Variants in STPG2 observed in about 807,000 individuals in gnomAD.
The protein encoded by STPG2 is sperm-tail PG-rich repeat-containing protein 2.
Under a neutral mutation model 54.2 loss-of-function variants are expected in STPG2, and 56 were observed. The observed-to-expected ratio is 1.03, with a 90% CI of 0.83 to 1.29. The LOEUF (loss-of-function observed/expected upper bound fraction) is 1.29, where lower values mean the gene tolerates loss of function less well. STPG2 is among the 50% of genes most tolerant of loss of function. The pLI, the probability that STPG2 is intolerant of heterozygous loss-of-function variation, is 0.00. For missense variants in STPG2, 596 were observed against 544.9 expected (o/e 1.09, Z -0.93); for synonymous variants, 200 against 181.8 (o/e 1.10, Z -0.81).
chr4:97,754,716 C>T (rs931730868), intron 9 of STPG2, among the ~76,000 whole-genome samples: 2 of 152,062 alleles, frequency 1.3e-5, no homozygotes, highest in South Asian at 4.1e-4. Flanking sequence ...CCATAAATCA[C>T]CACTCTCAGC....
intron 10 of STPG2, among the ~76,000 whole-genome samples, chr4:97,622,761 A>G (rs1734044949): frequency 6.6e-6 from 1 of 152,166 alleles, no homozygotes; most frequent in African/African-American, 2.4e-5. Context: ...TTTTTTAAAA[A>G]AAACTATCTT....
Position 97,943,903 on chromosome 4 carries a change from T to A in STPG2, c.1038A>T (p.Pro346=), listed in dbSNP as rs982207790. ...ATTGTAGGAGTATTCTTACCATATC[T>A]GGTACTTTCATAGTTCTTTTGGCTC... ...LSRAKRTMKV[P]DMVIPAPGSY... The change falls in exon 8 of 11, where the codon CCA becomes CCT. Residue 346 remains proline, a synonymous_variant. Transcript: ENST00000295268. The A allele has an allele frequency of 6.4e-7, 1 of 1,568,374 alleles. No individual in the cohort carries two copies. Among genetic ancestry groups the A allele is most frequent in the African/African-American group, 1.4e-5 (1 of 71,982 alleles).
intron 8 of STPG2, among the ~76,000 whole-genome samples, chr4:97,911,686 T>A (rs1390148541): frequency 6.6e-6 from 1 of 152,064 alleles, no homozygotes; most frequent in Non-Finnish European, 1.5e-5. Flanking sequence ...AGAACTCTGA[T>A]CTCCCTGGGA....
intron 9 of STPG2, among the ~76,000 whole-genome samples, chr4:97,737,091 AG>A (rs767961659): frequency 2.6e-5 from 4 of 152,194 alleles, no homozygotes; most frequent in Non-Finnish European, 5.9e-5. Flanking sequence ...GCTGGAACCC[AG>A]GCAACCAGGG....
rs1176311937 is a variant in STPG2, at chr4:97,981,854, T to TATAA, written c.613-537_613-536insTTAT. On this transcript the variant is annotated intron_variant, in intron 5 of 10. Coordinates refer to ENST00000295268, the MANE Select transcript of STPG2 (RefSeq NM_174952.3). ...ATGTTTATATATATATATATATATA[T>TATAA]AACTATAAATTCATGAGATATAGCA... 4.7e-4 allele frequency among the ~76,000 whole-genome samples: 70 copies of TATAA among 147,560 alleles called. 1 individual carries two copies. The highest frequency in any genetic ancestry group is 8.5e-4 in the Non-Finnish European group (57 of 67,064).
intron 8 of STPG2, among the ~76,000 whole-genome samples, chr4:97,862,149 C>T (rs966722707): frequency 6.6e-6 from 1 of 151,786 alleles, no homozygotes; most frequent in African/African-American, 2.4e-5. Flanking sequence ...AGAGTCAAGA[C>T]CCATCAGTGT....
At chr4:98,014,597 T>A (rs1217115466) in intron 5 of STPG2, among the ~76,000 whole-genome samples, 1 of 152,208 alleles carries the variant, frequency 6.6e-6, no homozygotes, top group East Asian at 1.9e-4. Flanking sequence ...TTGTTGTAGC[T>A]ATTGTTAAAT....
At chr4:98,073,330 G>C (rs1738063542) in intron 5 of STPG2, among the ~76,000 whole-genome samples, 1 of 152,104 alleles carries the variant, frequency 6.6e-6, no homozygotes, top group African/African-American at 2.4e-5. Flanking sequence ...CACTATGCTA[G>C]AATTTTCATA....
chr4:97,899,730 C>T (rs1731103128), intron 8 of STPG2, among the ~76,000 whole-genome samples: 2 of 152,052 alleles, frequency 1.3e-5, no homozygotes, highest in South Asian at 2.1e-4. Context: ...GAAAATAATC[C>T]CTATTCAATA....
chr4:97,598,197 T>C (rs1439730869), intron 10 of STPG2, among the ~76,000 whole-genome samples: 1 of 151,872 alleles, frequency 6.6e-6, no homozygotes, highest in Non-Finnish European at 1.5e-5. Flanking sequence ...GAAATATCTC[T>C]ACAGAAAAAT....
intron 9 of STPG2, among the ~76,000 whole-genome samples, chr4:97,721,488 G>A (rs1237794029): frequency 1.3e-5 from 2 of 152,052 alleles, no homozygotes; most frequent in Non-Finnish European, 2.9e-5. Flanking sequence ...CAAACATTGA[G>A]TTAATTGTTA....
At chr4:97,476,859 T>C (rs1730084964) in intron 4 of STPG2, among the ~76,000 whole-genome samples, 1 of 152,220 alleles carries the variant, frequency 6.6e-6, no homozygotes, top group Admixed American at 6.5e-5. Context: ...TTCCAAATAT[T>C]ATTCTCTTTC....
chr4:97,794,323 A>G (rs1727098504), intron 9 of STPG2, among the ~76,000 whole-genome samples: 3 of 152,112 alleles, frequency 2.0e-5, no homozygotes, highest in South Asian at 2.1e-4. Context: ...AGTTCAGACA[A>G]TGAAAGCTTC....
intron 5 of STPG2, among the ~76,000 whole-genome samples, chr4:98,091,331 C>T (rs1440207517): frequency 1.3e-5 from 2 of 152,016 alleles, no homozygotes; most frequent in Non-Finnish European, 2.9e-5. Context: ...GTTCATGAAT[C>T]AACTGCTTAA....
intron 5 of STPG2, among the ~76,000 whole-genome samples, chr4:98,096,540 C>A: frequency 6.6e-6 from 1 of 151,920 alleles, no homozygotes. Context: ...AGATAAAGAA[C>A]CTAATGATGC....
chr4:98,053,919 T>C (rs1737406137), intron 5 of STPG2, among the ~76,000 whole-genome samples: 1 of 152,182 alleles, frequency 6.6e-6, no homozygotes, highest in Admixed American at 6.5e-5. Context: ...CTAAAGACTT[T>C]TAAATTAGTC....
At chr4:97,604,180 G>C (rs1024017286) in intron 10 of STPG2, among the ~76,000 whole-genome samples, 4 of 151,494 alleles carry the variant, frequency 2.6e-5, no homozygotes, top group African/African-American at 9.7e-5. Flanking sequence ...TAGTAATCTA[G>C]TAATCCATAT....
chr4:97,740,055 C>G (rs185773928), intron 9 of STPG2, among the ~76,000 whole-genome samples: 2,537 of 151,266 alleles, frequency 0.017, 69 homozygotes, highest in African/African-American at 0.058. Context: ...AAGGCTGGTT[C>G]AATATACACA....
At chr4:97,797,277 G>C (rs1335234104) in intron 9 of STPG2, among the ~76,000 whole-genome samples, 3 of 152,136 alleles carry the variant, frequency 2.0e-5, no homozygotes, top group Non-Finnish European at 4.4e-5. Context: ...GTTTTCAAAG[G>C]GAATGCTTCC....
Sources: gnomAD v4.1 joint callset for allele counts (sites outside exome capture counted in the v4.1 genomes callset) on GRCh38, gnomAD v4.1.1 for gene constraint, MANE v1.5 for transcripts, NCBI Gene and HGNC (gene_info 2026-07-23, HGNC 2026-07-21) for gene names.